SNX8: variants seen among roughly 807,000 people sequenced by gnomAD.
SNX8 encodes the protein sorting nexin 8.
Under a neutral mutation model 51.6 loss-of-function variants are expected in SNX8, and 25 were observed. The ratio of observed to expected loss-of-function variants is 0.48; its 90% confidence interval spans 0.35 to 0.68. The LOEUF is 0.68. Among genes scored for constraint, SNX8 ranks in the 30% least tolerant of loss-of-function variants. The pLI, the probability that SNX8 is intolerant of heterozygous loss-of-function variation, is 0.00. For synonymous variants in SNX8, 324 were observed against 277.0 expected, an observed-to-expected ratio of 1.17 and a Z score of -1.68; for missense variants, 695 against 624.0, an observed-to-expected ratio of 1.11 and a Z score of -1.21.
chr7:2,275,250 CT>C, intron 2 of SNX8, 21 bp from the exon 3 acceptor site: 1 of 1,541,254 alleles, frequency 6.5e-7, no homozygotes, highest in Non-Finnish European at 9.0e-7. Context: ...AGGGTCGGTG[CT>C]TAGATCCGAC....
At chr7:2,312,995 T>G (rs1314320283) in intron 1 of SNX8, among the ~76,000 whole-genome samples, 1 of 152,052 alleles carries the variant, frequency 6.6e-6, no homozygotes, top group Non-Finnish European at 1.5e-5. Context: ...CCTCCCGGGT[T>G]CACGCCATTC....
chr7:2,341,653 T>C (rs1326317688), intron 1 of SNX8, among the ~76,000 whole-genome samples: 4 of 151,924 alleles, frequency 2.6e-5, no homozygotes, highest in Non-Finnish European at 4.4e-5. Context: ...ACCTGGGTGA[T>C]AGAGGCAAGA....
chr7:2,278,633 C>G (rs62442526), intron 1 of SNX8, among the ~76,000 whole-genome samples: 2 of 145,134 alleles, frequency 1.4e-5, no homozygotes, highest in African/African-American at 5.0e-5. Context: ...ACTCACACTA[C>G]GGAGTCGAAG....
At chr7:2,317,043 C>G (rs910678975), upstream of SNX8, among the ~76,000 whole-genome samples, 18 of 152,032 alleles carry the variant, frequency 1.2e-4, no homozygotes, top group African/African-American at 3.9e-4. Context: ...GCGATCCCTT[C>G]CCTACATGGG....
upstream of SNX8, among the ~76,000 whole-genome samples, chr7:2,315,981 T>A (rs1247706942): frequency 7.2e-6 from 1 of 138,904 alleles, no homozygotes; most frequent in Non-Finnish European, 1.5e-5. Context: ...CTTCATACAT[T>A]CATTCACCCA....
intron 1 of SNX8, among the ~76,000 whole-genome samples, chr7:2,352,941 A>C (rs1026438849): frequency 2.0e-5 from 3 of 152,178 alleles, no homozygotes; most frequent in African/African-American, 7.2e-5. Flanking sequence ...CATGATGAGG[A>C]GTAGTCAAAC....
At position 2,253,502 on chromosome 7, in the gene SNX8, G is replaced by A. The variant is rs1203555641; in HGVS notation, c.*1554C>T. 2.0e-5 allele frequency: 3 copies of A among 152,258 alleles called. No homozygotes were observed. Among genetic ancestry groups the A allele is most frequent in the Admixed American group, 2.0e-4 (3 of 15,290 alleles). 9.4% of individuals were successfully genotyped at this position (152,258 alleles called of 1,614,324 possible). A position where few individuals can be genotyped will look rare whatever the true frequency, so the allele number is the denominator to read the frequency against. On this transcript the variant is annotated 3_prime_UTR_variant, in exon 11 of 11. Transcript: ENST00000222990. ...GAAGGCAGCGCAGCCCAAGACTCGG[G>A]TGGACTAGGGACTCACGGGACAGCC...
intron 3 of SNX8, 131 bp from the exon 4 acceptor site, chr7:2,272,102 C>A: frequency 7.9e-7 from 1 of 1,261,726 alleles, no homozygotes; most frequent in Non-Finnish European, 1.1e-6. Flanking sequence ...ACTGGCTGGG[C>A]CCCCAGTGCT....
intron 7 of SNX8, among the ~76,000 whole-genome samples, chr7:2,260,524 C>T (rs1464104374): frequency 1.3e-5 from 2 of 152,114 alleles, no homozygotes; most frequent in Admixed American, 6.6e-5. Context: ...GCGAAGATCC[C>T]GTCACCATGG....
intron 1 of SNX8, among the ~76,000 whole-genome samples, chr7:2,283,810 G>T (rs540246909): frequency 7.5e-4 from 114 of 152,242 alleles, no homozygotes; most frequent in Non-Finnish European, 1.0e-3. Context: ...TTTTTTTGGA[G>T]GGGGTGCCGG....
chr7:2,255,801 C>T (rs865817516), intron 10 of SNX8, among the ~76,000 whole-genome samples: 1 of 152,226 alleles, frequency 6.6e-6, no homozygotes, highest in African/African-American at 2.4e-5. Context: ...TCGCCAAGCA[C>T]TTTTGGAACC....
intron 1 of SNX8, among the ~76,000 whole-genome samples, chr7:2,340,234 CATAATTTTT>C (rs1778896614): frequency 6.7e-6 from 1 of 149,648 alleles, no homozygotes; most frequent in South Asian, 2.1e-4. Context: ...GGCTAATTTT[CATAATTTTT>C]TTTTTTTTAT....
chr7:2,266,846 C>A (rs1489678237), intron 5 of SNX8, among the ~76,000 whole-genome samples: 7 of 151,986 alleles, frequency 4.6e-5, no homozygotes, highest in South Asian at 2.1e-4. Flanking sequence ...AAAGAAAAAA[C>A]CAAAAACAAA....
intron 9 of SNX8, 144 bp downstream of exon 9, chr7:2,257,221 C>A: frequency 8.5e-7 from 1 of 1,171,692 alleles, no homozygotes; most frequent in Non-Finnish European, 1.2e-6. Context: ...GCACGCGGGC[C>A]AGCTCCCTGC....
chr7:2,311,663 C>T (rs1440264206), intron 1 of SNX8, among the ~76,000 whole-genome samples: 3 of 151,792 alleles, frequency 2.0e-5, no homozygotes, highest in African/African-American at 4.8e-5. Context: ...CGAGGCCGGG[C>T]GCGGTGGCTC....
rs1795143960 is a variant in SNX8, at chr7:2,255,082, G to C, written c.1372C>G (p.Pro458Ala). 6.3e-7 allele frequency: 1 copy of C among 1,577,410 alleles called. No individual in the cohort carries two copies. Among genetic ancestry groups the C allele is most frequent in the South Asian group, 1.2e-5 (1 of 85,974 alleles). ...HSTLTPPCSP[P>A]EDGLCPH ...TAGTGAGGACACAGGCCGTCCTCCG[G>C]CGGGGAGCACGGTGGGGTCAGGGTG... The change falls in exon 11 of 11, where the codon CCG (proline) becomes GCG (alanine). Residue 458 changes from proline (P) to alanine (A), a missense_variant. Coordinates refer to ENST00000222990, the MANE Select transcript of SNX8 (RefSeq NM_013321.4).
At chr7:2,337,418 C>T (rs1180751537) in intron 1 of SNX8, 2 of 151,596 alleles carry the variant, frequency 1.3e-5, no homozygotes, top group African/African-American at 4.8e-5. Context: ...CCCTGCACTC[C>T]AGCCTGGGTG....
chr7:2,320,115 G>A (rs573656513), intron 1 of SNX8, among the ~76,000 whole-genome samples: 32 of 152,264 alleles, frequency 2.1e-4, no homozygotes, highest in African/African-American at 7.7e-4. Flanking sequence ...CAGCACTTTG[G>A]GAGCCTGAGG....
chr7:2,314,273 G>A (rs1796716823), intron 1 of SNX8, 55 bp downstream of exon 1: 2 of 1,214,732 alleles, frequency 1.6e-6, no homozygotes, highest in Admixed American at 4.3e-5. Context: ...TCCGCCGGGG[G>A]TGGTCGGGCC....
Sources: gnomAD v4.1 joint callset for allele counts (sites outside exome capture counted in the v4.1 genomes callset) on GRCh38, gnomAD v4.1.1 for gene constraint, MANE v1.5 for transcripts, NCBI Gene and HGNC (gene_info 2026-07-23, HGNC 2026-07-21) for gene names.